The following ASPDH variants were observed in gnomAD, a reference collection of about 807,000 sequenced individuals.
ASPDH encodes aspartate dehydrogenase domain containing, also known as aspartate dehydrogenase domain-containing protein.
Under a neutral mutation model 30.5 loss-of-function variants are expected in ASPDH, and 25 were observed. The ratio of observed to expected loss-of-function variants is 0.82; its 90% CI spans 0.60 to 1.14. The LOEUF (loss-of-function observed/expected upper bound fraction) is 1.14, where lower values mean the gene tolerates loss of function less well. Among genes scored for constraint, ASPDH ranks in the 50% most tolerant of loss-of-function variants. The probability of loss-of-function intolerance (pLI) is 0.00; values close to 1 mark genes in which losing one functional copy is unlikely to be tolerated. For missense variants in ASPDH, 401 were observed against 381.5 expected, an observed-to-expected ratio of 1.05 and a Z score of -0.43; for synonymous variants, 168 against 156.3, an observed-to-expected ratio of 1.07 and a Z score of -0.56.
upstream of ASPDH, chr19:50,514,593 G>A: frequency 6.2e-7 from 1 of 1,610,578 alleles, no homozygotes; most frequent in Non-Finnish European, 8.5e-7. Flanking sequence ...CCCAGGAGAA[G>A]CCTTCGAGGC....
chr19:50,512,664 G>T lies in ASPDH; in HGVS notation c.429C>A (p.Leu143=), dbSNP rs776257480. Reference sequence around the variant, plus strand: ...TGGGGAGCCCAGCAGGCCTCACCCGGAGGCCCCCAGCTGCATCCAATCTCC... The same window carrying T: ...TGGGGAGCCCAGCAGGCCTCACCCGTAGGCCCCCAGCTGCATCCAATCTCC... ...DIRRLDAAGG[L]RSLRVTMATH... The change falls in exon 4 of 7, where the codon CTC becomes CTA. Residue 143 remains leucine, a synonymous_variant. Transcript: ENST00000389208. The T allele has an allele frequency of 7.2e-6, 11 of 1,537,684 alleles. No individual in the cohort carries two copies. In the East Asian group the frequency reaches 2.4e-4, roughly 34 times the overall value.
intron 6 of ASPDH, 56 bp downstream of exon 6, chr19:50,512,080 C>T: frequency 7.0e-7 from 1 of 1,436,892 alleles, no homozygotes; most frequent in South Asian, 1.4e-5. Context: ...GCCCGGGACC[C>T]CCAAGCTCTG....
Position 50,513,279 on chromosome 19 carries a change from CA to C in ASPDH, c.189del (p.Glu65LysfsTer15). On this transcript the variant is annotated frameshift_variant, in exon 2 of 7. Coordinates refer to ENST00000389208, the MANE Select transcript of ASPDH (RefSeq NM_001114598.2). LOFTEE classifies it high-confidence loss of function. This position sits in a 1 kb window ranked among gnomAD's most constrained non-coding sequence, Gnocchi z 4.9. Reference protein sequence around the residue: ...PSLQLQNLAALGERRPDLVVE... With the variant: ...PSLQLQNLAAXGERRPDLVVE... The stretch of plus-strand genomic sequence containing the variant: ...CATGGCAAGGTCACTGACCTTTCCC[CA>C]AGGGCAGCAAGGTTCTGGAGCTGCA... 6.7e-7 allele frequency: 1 copy of C among 1,482,756 alleles called. No homozygotes were observed. Among genetic ancestry groups the C allele is most frequent in the South Asian group, 1.4e-5 (1 of 71,796 alleles). The allele number at this position is 1,482,756 out of a possible 1,614,324, so 91.8% of individuals were successfully genotyped here.
Position 50,513,250 on chromosome 19 carries a change from C to T in ASPDH, c.197+22G>A. ...GACAGGAGCTTCAGGGAGCTCCACT[C>T]TCCCATGGCAAGGTCACTGACCTTT... On this transcript the variant is annotated intron_variant, in intron 2 of 6. Coordinates refer to ENST00000389208, the MANE Select transcript of ASPDH (RefSeq NM_001114598.2). This position sits in a 1 kb window ranked among gnomAD's most constrained non-coding sequence, Gnocchi z 4.9. The T allele has an allele frequency of 6.9e-7, 1 of 1,450,448 alleles. No individual in the cohort carries two copies. Among genetic ancestry groups the T allele is most frequent in the South Asian group, 1.5e-5 (1 of 67,594 alleles). 89.8% of individuals were successfully genotyped at this position (1,450,448 alleles called of 1,614,324 possible).
intron 6 of ASPDH, 181 bp downstream of exon 6, chr19:50,511,955 A>G (rs202090659): frequency 2.0e-6 from 1 of 496,016 alleles, no homozygotes. Flanking sequence ...GGCGGGCACA[A>G]ATGGAGACAT....
At chr19:50,514,014 C>G, upstream of ASPDH, 1 of 662,722 alleles carries the variant, frequency 1.5e-6, no homozygotes, top group Non-Finnish European at 2.5e-6. Flanking sequence ...TCCCTGTGCT[C>G]TGTCCACTTT....
upstream of ASPDH, chr19:50,514,868 C>T (rs1042266836): frequency 2.3e-5 from 23 of 984,812 alleles, no homozygotes; most frequent in Middle Eastern, 5.2e-4. Context: ...GAGACAGACG[C>T]GGGCAGACAG....
intron 4 of ASPDH, 30 bp from the exon 5 acceptor site, chr19:50,512,610 T>G (rs756454906): frequency 6.6e-7 from 1 of 1,511,230 alleles, no homozygotes; most frequent in African/African-American, 1.4e-5. Flanking sequence ...TTAGGGGGAG[T>G]GGGGTCTTTG....
chr19:50,512,167 G>A lies in ASPDH; in HGVS notation c.777C>T (p.Ala259=). 6.3e-7 allele frequency: 1 copy of A among 1,587,182 alleles called. No individual in the cohort carries two copies. Among genetic ancestry groups the A allele is most frequent in the Non-Finnish European group, 8.5e-7 (1 of 1,170,986 alleles). Residue 259 remains alanine, a synonymous_variant, in exon 6 of 7, where the codon GCC becomes GCT. Coordinates refer to ENST00000389208, the MANE Select transcript of ASPDH (RefSeq NM_001114598.2). Reference sequence around the variant, plus strand: ...GGCTCTGCCAGAAGGCCGTGACGGTGGCGGAGCCGGTGACCGCGCCTGGCT... The same window carrying A: ...GGCTCTGCCAGAAGGCCGTGACGGTAGCGGAGCCGGTGACCGCGCCTGGCT... ...PAEPGAVTGS[A]TVTAFWQSLL...
Position 50,513,817 on chromosome 19 carries a change from C to CGG in ASPDH, c.5_6dup (p.Asp3ProfsTer33). 6.4e-7 allele frequency: 1 copy of CGG among 1,550,532 alleles called. No individual in the cohort carries two copies. The highest frequency in any genetic ancestry group is 8.7e-7 in the Non-Finnish European group (1 of 1,146,768). On this transcript the variant is annotated frameshift_variant, in exon 1 of 7. Transcript: ENST00000389208. LOFTEE classifies it high-confidence loss of function. This position sits in a 1 kb window ranked among gnomAD's most constrained non-coding sequence, Gnocchi z 4.9. Reference sequence around the variant, plus strand: ...ACGCCCACCCTCCACGGGCCCCTGTCGGCCATGGCCCTGAGTGCGGTGTCT... The same window carrying CGG: ...ACGCCCACCCTCCACGGGCCCCTGTCGGGGCCATGGCCCTGAGTGCGGTGTCT...
At chr19:50,512,628 C>T (rs1376097348) in intron 4 of ASPDH, 33 bp downstream of exon 4, 8 of 1,512,438 alleles carry the variant, frequency 5.3e-6, no homozygotes, top group East Asian at 2.3e-5. Context: ...TTGCAGGCCT[C>T]CCCTGGTTCC....
At chr19:50,512,892 C>T (rs1264178989) in intron 3 of ASPDH, 35 bp downstream of exon 3, 3 of 1,604,958 alleles carry the variant, frequency 1.9e-6, no homozygotes, top group East Asian at 2.2e-5. Context: ...ACAGAAGGGG[C>T]AGGGCTCTGC....
Position 50,513,697 on chromosome 19 carries a change from T to C in ASPDH, c.52+75A>G. ...GGCAGATAGAGAGAGAAAAAAGTGT[T>C]TGTGGAGGGCAGAGAGTCTTGGGAG... On this transcript the variant is annotated intron_variant, in intron 1 of 6. Coordinates refer to ENST00000389208, the MANE Select transcript of ASPDH (RefSeq NM_001114598.2). The surrounding 1 kb of genome is among the most constrained non-coding windows in gnomAD (Gnocchi z 4.9). 8.6e-7 allele frequency: 1 copy of C among 1,159,878 alleles called. No homozygotes were observed. The highest frequency in any genetic ancestry group is 1.4e-5 in the South Asian group (1 of 72,946). The allele number at this position is 1,159,878 out of a possible 1,614,324, so 71.8% of individuals were successfully genotyped here. A position where few individuals can be genotyped will look rare whatever the true frequency, so the allele number is the denominator to read the frequency against.
Position 50,511,663 on chromosome 19 carries a change from G to A in ASPDH, c.*67C>T, listed in dbSNP as rs781463340. On this transcript the variant is annotated 3_prime_UTR_variant, in exon 7 of 7. Transcript: ENST00000389208. ...GGGAGACCCTGGGGAAGTGGGGCAG[G>A]GCAGGGGTGGGATGGTGGTGGTGAG... 1.3e-5 allele frequency: 14 copies of A among 1,039,980 alleles called. No homozygotes were observed. Among genetic ancestry groups the A allele is most frequent in the African/African-American group, 1.7e-5 (1 of 59,598 alleles). The allele number at this position is 1,039,980 out of a possible 1,614,324, so 64.4% of individuals were successfully genotyped here. A position where few individuals can be genotyped will look rare whatever the true frequency, so the allele number is the denominator to read the frequency against.
At position 50,512,447 on chromosome 19, in the gene ASPDH, C is replaced by G; in HGVS notation, c.566G>C (p.Arg189Pro). 1 of 1,609,302 alleles carries G rather than the reference C, an allele frequency of 6.2e-7. No homozygotes were observed. The highest frequency in any genetic ancestry group is 8.5e-7 in the Non-Finnish European group (1 of 1,178,012). The change falls in exon 5 of 7, where the codon CGA becomes CCA. Residue 189 changes from arginine (R) to proline (P), a missense_variant. Arg to Pro is a moderately radical substitution (Grantham distance 103). Coordinates refer to ENST00000389208, the MANE Select transcript of ASPDH (RefSeq NM_001114598.2). ...AGCCGCCGCCATGGTGTTGGAATTT[C>G]GCGGGGCAAAGGGGCAGAGCCCACG... ...PVRGLCPFAP[R>P]NSNTMAAAAL...
chr19:50,514,261 C>T (rs902805527), upstream of ASPDH, among the ~76,000 whole-genome samples: 1 of 152,188 alleles, frequency 6.6e-6, no homozygotes, highest in African/African-American at 2.4e-5. Flanking sequence ...ACCTCTCCTC[C>T]TTGTCCTCAG....
chr19:50,513,992 C>T (rs1030628943), upstream of ASPDH: 34 of 746,164 alleles, frequency 4.6e-5, no homozygotes, highest in South Asian at 3.8e-5. The surrounding 1 kb of genome is among the most constrained non-coding windows in gnomAD (Gnocchi z 4.9). Context: ...GGAGTGGAGG[C>T]GGGAGAACCC....
At chr19:50,511,891 G>A (rs944525289) in intron 6 of ASPDH, 118 bp from the exon 7 acceptor site, 11 of 802,812 alleles carry the variant, frequency 1.4e-5, no homozygotes, top group Non-Finnish European at 1.9e-5. Context: ...AAGACCCGGA[G>A]AGAGCGGGAC....
Position 50,513,185 on chromosome 19 carries a change from C to T in ASPDH, c.197+87G>A. The T allele has an allele frequency of 2.2e-6, 3 of 1,356,152 alleles. No homozygotes were observed. Among genetic ancestry groups the T allele is most frequent in the Non-Finnish European group, 9.8e-7 (1 of 1,015,372 alleles). The allele number at this position is 1,356,152 out of a possible 1,614,324, so 84.0% of individuals were successfully genotyped here. On this transcript the variant is annotated intron_variant, in intron 2 of 6. Coordinates refer to ENST00000389208, the MANE Select transcript of ASPDH (RefSeq NM_001114598.2). The surrounding 1 kb of genome is among the most constrained non-coding windows in gnomAD (Gnocchi z 4.9). ...GCTTGAACCAAGGCCCAGAGAGGGT[C>T]AGGGAACCCCTGAGATCACACAGTG...
Sources: gnomAD v4.1 joint callset for allele counts (sites outside exome capture counted in the v4.1 genomes callset) on GRCh38, gnomAD v4.1.1 for gene constraint, Gnocchi (gnomAD v3.1) non-coding constraint, MANE v1.5 for transcripts, NCBI Gene and HGNC (gene_info 2026-07-23, HGNC 2026-07-21) for gene names.